PIK3CB: variants seen among roughly 807,000 people sequenced by gnomAD.
PIK3CB encodes the protein phosphatidylinositol 4,5-bisphosphate 3-kinase catalytic subunit beta isoform.
In PIK3CB, 39 loss-of-function variants were observed where a neutral mutation model predicts 136.8. That is an observed-to-expected ratio of 0.29 (90% confidence interval 0.22 to 0.37). PIK3CB has a LOEUF of 0.37. Among genes scored for constraint, PIK3CB ranks in the 10% least tolerant of loss-of-function variants. The pLI is 1.00. For synonymous variants in PIK3CB, 428 were observed against 436.6 expected (o/e 0.98, Z 0.25); for missense variants, 868 against 1,275.4 (o/e 0.68, Z 4.87).
At chr3:138,778,033 T>G (rs181771190) in intron 2 of PIK3CB, 1 of 381,836 alleles carries the variant, frequency 2.6e-6, no homozygotes, top group African/African-American at 2.1e-5. Context: ...TTGTCATCAA[T>G]GAAAATACCA....
intron 2 of PIK3CB, among the ~76,000 whole-genome samples, chr3:138,760,000 C>A (rs1051406033): frequency 6.6e-6 from 1 of 152,000 alleles, no homozygotes; most frequent in African/African-American, 2.4e-5. Flanking sequence ...CAGCTCACTG[C>A]AAGCTCCGCC....
intron 1 of PIK3CB, among the ~76,000 whole-genome samples, chr3:138,804,916 T>C (rs1401268507): frequency 6.6e-6 from 1 of 151,934 alleles, no homozygotes; most frequent in Non-Finnish European, 1.5e-5. Flanking sequence ...TCCCAGCTAC[T>C]CGGAAAGCTG....
intron 10 of PIK3CB, among the ~76,000 whole-genome samples, chr3:138,708,306 G>T (rs2044422910): frequency 7.3e-6 from 1 of 137,490 alleles, no homozygotes; most frequent in Admixed American, 8.0e-5. Flanking sequence ...TGTCACCCAG[G>T]TTGGGGTGCA....
intron 4 of PIK3CB, among the ~76,000 whole-genome samples, chr3:138,752,161 C>A (rs1044616838): frequency 1.3e-5 from 2 of 151,856 alleles, no homozygotes; most frequent in African/African-American, 4.8e-5. Context: ...ATACACCTTA[C>A]TACAGAGAAC....
intron 21 of PIK3CB, among the ~76,000 whole-genome samples, chr3:138,660,875 T>C (rs1284821920): frequency 2.0e-5 from 3 of 152,232 alleles, no homozygotes; most frequent in Non-Finnish European, 4.4e-5. Flanking sequence ...TATTTAACAA[T>C]GAATCACTAA....
intron 14 of PIK3CB, 108 bp from the exon 15 acceptor site, chr3:138,691,251 T>C (rs1464675226): frequency 4.0e-6 from 4 of 996,740 alleles, no homozygotes; most frequent in Non-Finnish European, 6.0e-6. Flanking sequence ...ATGGTTCTTT[T>C]GGGCCAGGCT....
chr3:138,732,108 T>C (rs1354577073), intron 8 of PIK3CB, among the ~76,000 whole-genome samples: 1 of 152,186 alleles, frequency 6.6e-6, no homozygotes, highest in African/African-American at 2.4e-5. Context: ...TGTTTTAATA[T>C]AGAATGAAGT....
chr3:138,822,862 GA>G (rs1013437134), intron 1 of PIK3CB, among the ~76,000 whole-genome samples: 4 of 143,446 alleles, frequency 2.8e-5, no homozygotes, highest in Non-Finnish European at 6.0e-5. Context: ...ATATATATAC[GA>G]AATATATATG....
At chr3:138,685,658 T>C (rs1468054132) in intron 16 of PIK3CB, among the ~76,000 whole-genome samples, 2 of 152,054 alleles carry the variant, frequency 1.3e-5, no homozygotes, top group Non-Finnish European at 2.9e-5. Context: ...ATTAACAGCA[T>C]AGCTAGAACG....
chr3:138,793,431 C>A (rs1320445853), intron 2 of PIK3CB, among the ~76,000 whole-genome samples: 1 of 151,764 alleles, frequency 6.6e-6, no homozygotes, highest in Non-Finnish European at 1.5e-5. Flanking sequence ...CATGGTGAAA[C>A]CCCGTCTCTA....
At chr3:138,814,954 G>A (rs1251940939) in intron 1 of PIK3CB, among the ~76,000 whole-genome samples, 3 of 151,656 alleles carry the variant, frequency 2.0e-5, no homozygotes, top group Admixed American at 6.6e-5. Context: ...TGGCTAACAC[G>A]GTGAAACCCC....
intron 1 of PIK3CB, among the ~76,000 whole-genome samples, chr3:138,809,912 C>A (rs1000908484): frequency 6.6e-6 from 1 of 152,072 alleles, no homozygotes; most frequent in Non-Finnish European, 1.5e-5. Context: ...TAAAAGGGAC[C>A]AGTTCCCTTG....
At chr3:138,669,426 AGG>A (rs371173322) in intron 19 of PIK3CB, among the ~76,000 whole-genome samples, 17 of 64,052 alleles carry the variant, frequency 2.7e-4, no homozygotes, top group African/African-American at 9.7e-4. Context: ...AAAAAAAAAA[AGG>A]GGGGGGGGAT....
At chr3:138,822,514 C>T (rs560868421) in intron 1 of PIK3CB, among the ~76,000 whole-genome samples, 4 of 151,144 alleles carry the variant, frequency 2.6e-5, no homozygotes, top group South Asian at 2.1e-4. Flanking sequence ...CCAGCCTGGG[C>T]GACACAGTGA....
intron 15 of PIK3CB, among the ~76,000 whole-genome samples, chr3:138,689,752 T>C (rs1218303915): frequency 2.0e-5 from 3 of 152,374 alleles, no homozygotes; most frequent in Non-Finnish European, 4.4e-5. Flanking sequence ...TGATATTCTA[T>C]AGTTAGTTAA....
At chr3:138,812,359 C>A (rs1003583490) in intron 1 of PIK3CB, among the ~76,000 whole-genome samples, 2 of 151,764 alleles carry the variant, frequency 1.3e-5, no homozygotes, top group African/African-American at 4.8e-5. Flanking sequence ...GCCTCAGCCT[C>A]CCAAGTAGCT....
chr3:138,669,426 A>AGGGG (rs371173322), intron 19 of PIK3CB, among the ~76,000 whole-genome samples: 1 of 64,064 alleles, frequency 1.6e-5, no homozygotes, highest in African/African-American at 6.1e-5. Context: ...AAAAAAAAAA[A>AGGGG]GGGGGGGGGG....
At chr3:138,813,608 G>A (rs933804857) in intron 1 of PIK3CB, among the ~76,000 whole-genome samples, 3 of 151,804 alleles carry the variant, frequency 2.0e-5, no homozygotes, top group East Asian at 3.9e-4. Context: ...TAGTAGAGAC[G>A]GGGTTTCACC....
intron 10 of PIK3CB, among the ~76,000 whole-genome samples, chr3:138,707,922 T>C (rs1257025011): frequency 6.6e-6 from 1 of 152,184 alleles, no homozygotes; most frequent in Admixed American, 6.5e-5. Context: ...GATTTTAGAA[T>C]TTCAGTGTAG....
Sources: gnomAD v4.1 joint callset for allele counts (sites outside exome capture counted in the v4.1 genomes callset) on GRCh38, gnomAD v4.1.1 for gene constraint, MANE v1.5 for transcripts, NCBI Gene and HGNC (gene_info 2026-07-23, HGNC 2026-07-21) for gene names.